The following CAMKMT variants were observed in gnomAD, a reference collection of about 807,000 sequenced individuals.
CAMKMT encodes the protein CaM KMT.
In CAMKMT, 53 loss-of-function variants were observed where a neutral mutation model predicts 48.0. The observed-to-expected ratio is 1.10, with a 90% CI of 0.89 to 1.39. The LOEUF (loss-of-function observed/expected upper bound fraction) is 1.39. Ranked by LOEUF, CAMKMT falls within the 40% of genes most tolerant of loss-of-function variation. CAMKMT has a pLI of 0.00. For missense variants in CAMKMT, 428 were observed against 402.7 expected (o/e 1.06, Z -0.54); for synonymous variants, 165 against 152.3 (o/e 1.08, Z -0.61).
In CAMKMT at chr2:44,434,108, T is replaced by C. The variant is rs75298051; in HGVS notation, c.376+43803T>C. ...CACGTATTTCACAAAGAAAAGATGC[T>C]GCTTTCATGGTAACAGAAGGATGGT... On this transcript the variant is annotated intron_variant, in intron 3 of 10. Transcript: ENST00000378494. 9.8e-3 allele frequency among the ~76,000 whole-genome samples: 1,491 copies of C among 152,308 alleles called. 28 individuals carry two copies. The highest frequency in any genetic ancestry group is 0.034 in the African/African-American group (1,430 of 41,572).
At chr2:44,390,151 C>CATA in intron 2 of CAMKMT, 90 bp from the exon 3 acceptor site, 1 of 885,126 alleles carries the variant, frequency 1.1e-6, no homozygotes, top group South Asian at 1.5e-5. Context: ...TTGGGTATAC[C>CATA]ATAATATACA....
chr2:44,483,601 T>C (rs1669079002), intron 3 of CAMKMT, among the ~76,000 whole-genome samples: 1 of 152,106 alleles, frequency 6.6e-6, no homozygotes, highest in Non-Finnish European at 1.5e-5. Context: ...AATTTGAGTA[T>C]TAAGAAATTA....
At chr2:44,491,691 T>G (rs1018044501) in intron 3 of CAMKMT, among the ~76,000 whole-genome samples, 1 of 152,154 alleles carries the variant, frequency 6.6e-6, no homozygotes, top group Non-Finnish European at 1.5e-5. Flanking sequence ...ACATCTGACC[T>G]TTTTTTGATT....
chr2:44,520,466 A>G (rs1163720325), intron 3 of CAMKMT, among the ~76,000 whole-genome samples: 2 of 152,058 alleles, frequency 1.3e-5, no homozygotes, highest in Non-Finnish European at 2.9e-5. Flanking sequence ...TCAACCCTCT[A>G]TCATTAAGTG....
chr2:44,501,280 G>C (rs956922918), intron 3 of CAMKMT, among the ~76,000 whole-genome samples: 1 of 151,868 alleles, frequency 6.6e-6, no homozygotes, highest in East Asian at 1.9e-4. Context: ...TTATAACCAC[G>C]TGTGGTATCT....
intron 8 of CAMKMT, among the ~76,000 whole-genome samples, chr2:44,751,877 G>A (rs1680167041): frequency 6.6e-6 from 1 of 152,152 alleles, no homozygotes. Flanking sequence ...AGGCACAGGG[G>A]AAGCAGGCAG....
At chr2:44,414,850 C>G (rs1683443416) in intron 3 of CAMKMT, among the ~76,000 whole-genome samples, 1 of 152,114 alleles carries the variant, frequency 6.6e-6, no homozygotes. Flanking sequence ...GCTAGAGGAG[C>G]TAAGTTTGAA....
At chr2:44,376,506 C>A (rs911761200) in intron 2 of CAMKMT, among the ~76,000 whole-genome samples, 1 of 151,786 alleles carries the variant, frequency 6.6e-6, no homozygotes, top group Admixed American at 6.6e-5. Context: ...TTTCTCAGTT[C>A]TTATCGCCTA....
intron 3 of CAMKMT, among the ~76,000 whole-genome samples, chr2:44,582,590 G>T (rs1192847644): frequency 6.6e-6 from 1 of 152,096 alleles, no homozygotes; most frequent in Non-Finnish European, 1.5e-5. Context: ...TTCCTCTTTG[G>T]TCTTAAATTC....
intron 3 of CAMKMT, among the ~76,000 whole-genome samples, chr2:44,419,198 T>C (rs1274261221): frequency 6.6e-6 from 1 of 152,216 alleles, no homozygotes; most frequent in Non-Finnish European, 1.5e-5. Context: ...AGGTGCTAAA[T>C]ATGAATTAGG....
At chr2:44,624,280 A>C (rs1672353240) in intron 3 of CAMKMT, among the ~76,000 whole-genome samples, 1 of 152,120 alleles carries the variant, frequency 6.6e-6, no homozygotes, top group Non-Finnish European at 1.5e-5. Flanking sequence ...AATATCTAGG[A>C]ATGGAATGGC....
intron 3 of CAMKMT, among the ~76,000 whole-genome samples, chr2:44,436,679 A>G (rs1476501690): frequency 6.6e-6 from 1 of 152,070 alleles, no homozygotes; most frequent in South Asian, 2.1e-4. Flanking sequence ...TAGTTTGCCA[A>G]CCTCAGATTT....
At chr2:44,568,541 C>T (rs13387158) in intron 3 of CAMKMT, among the ~76,000 whole-genome samples, 72,101 of 151,808 alleles carry the variant, frequency 0.47, 18,553 homozygotes, top group Non-Finnish European at 0.58. Flanking sequence ...GATGGCTGGA[C>T]TGGATATGTC....
intron 3 of CAMKMT, among the ~76,000 whole-genome samples, chr2:44,414,696 T>A (rs190589829): frequency 6.6e-6 from 1 of 152,290 alleles, no homozygotes; most frequent in Non-Finnish European, 1.5e-5. Flanking sequence ...GGTGGAAATA[T>A]GAAGATGCAA....
At chr2:44,480,705 G>A (rs1394489647) in intron 3 of CAMKMT, among the ~76,000 whole-genome samples, 8 of 152,180 alleles carry the variant, frequency 5.3e-5, no homozygotes, top group East Asian at 1.9e-4. Flanking sequence ...GTATCTTAAC[G>A]TATTTTGAAG....
intron 3 of CAMKMT, chr2:44,549,711 C>A: frequency 5.7e-6 from 3 of 523,450 alleles, no homozygotes; most frequent in Non-Finnish European, 1.0e-5. Context: ...TTAAGGATCC[C>A]CAAAGTCTCA....
At position 44,731,351 on chromosome 2, in the gene CAMKMT, C is replaced by A. The variant is rs145094773; in HGVS notation, c.624-12271C>A. Among the ~76,000 whole-genome samples, 866 of 151,886 alleles carry A rather than the reference C, an allele frequency of 5.7e-3. 7 individuals are homozygous for A. Among genetic ancestry groups the A allele is most frequent in the African/African-American group, 0.019 (789 of 41,444 alleles). On this transcript the variant is annotated intron_variant, in intron 7 of 10. Coordinates refer to ENST00000378494, the MANE Select transcript of CAMKMT (RefSeq NM_024766.5). ...GCAAGACTCTGTCTCAGAAAACAAA[C>A]AAACAAAAAACAGGACTCACTCCCC... is the stretch of plus-strand genomic sequence containing the variant.
chr2:44,364,848 A>G (rs1678423833), intron 1 of CAMKMT, among the ~76,000 whole-genome samples: 1 of 152,156 alleles, frequency 6.6e-6, no homozygotes, highest in African/African-American at 2.4e-5. Context: ...CCTCATGGTG[A>G]TAGCAGAGGT....
intron 3 of CAMKMT, among the ~76,000 whole-genome samples, chr2:44,517,572 G>A (rs770922710): frequency 3.9e-5 from 6 of 152,138 alleles, no homozygotes; most frequent in Non-Finnish European, 8.8e-5. Context: ...AACTTGAAGA[G>A]TATAGTGAGG....
Sources: allele counts gnomAD v4.1 joint callset (sites outside exome capture counted in the v4.1 genomes callset), GRCh38; gene constraint gnomAD v4.1.1; transcripts MANE v1.5; gene names NCBI Gene and HGNC (gene_info 2026-07-23, HGNC 2026-07-21).